The following C1D variants were observed in gnomAD, a reference collection of about 807,000 sequenced individuals.
C1D encodes the protein C1D nuclear receptor corepressor.
Under a neutral mutation model 17.5 loss-of-function variants are expected in C1D, and 10 were observed. That is an observed-to-expected ratio of 0.57 (90% CI 0.35 to 0.97). The LOEUF (loss-of-function observed/expected upper bound fraction) is 0.97, where lower values mean the gene tolerates loss of function less well. C1D is among the 50% of genes least tolerant of loss of function. C1D has a pLI of 0.01. For missense variants in C1D, 136 were observed against 160.1 expected (o/e 0.85, Z 0.81); for synonymous variants, 49 against 54.0 (o/e 0.91, Z 0.40).
rs77407360 is a variant in C1D at position 68,052,502 on chromosome 2, C to T, written c.-9-5183G>A. On this transcript the variant is annotated intron_variant, in intron 1 of 4. Transcript: ENST00000410067. ...TGAATTTTTTCATCAAATTTTCCTA[C>T]GAGAAAATATTTCCTTTCTTCAGAA... 5.4e-4 allele frequency among the ~76,000 whole-genome samples: 82 copies of T among 152,232 alleles called. 1 individual carries two copies. In the East Asian group the frequency reaches 9.6e-3, roughly 18 times the overall value.
Position 68,044,619 on chromosome 2 carries a change from A to G in C1D, c.261+1369T>C, listed in dbSNP as rs1322937599. Among the ~76,000 whole-genome samples, 4 of 152,170 alleles carry G rather than the reference A, an allele frequency of 2.6e-5. No homozygotes were observed. The East Asian group carries it at 5.8e-4, about 22-fold the overall frequency. On this transcript the variant is annotated intron_variant, in intron 4 of 4. Transcript: ENST00000410067. ...GCTACTCGAGAGGCTGAGGCAGGAG[A>G]ATGGTGTGAACCCGGGAGGTGGAGC...
intron 1 of C1D, chr2:68,052,921 T>A: frequency 8.6e-7 from 1 of 1,161,768 alleles, no homozygotes; most frequent in East Asian, 2.6e-5. Flanking sequence ...TAGCACTGAT[T>A]ATGTGCCAGG....
chr2:68,056,526 C>T (rs1671442510), intron 1 of C1D, among the ~76,000 whole-genome samples: 1 of 151,964 alleles, frequency 6.6e-6, no homozygotes, highest in Non-Finnish European at 1.5e-5. Context: ...TAAAAAAAGA[C>T]ATATGCAACA....
At chr2:68,057,234 C>T (rs1671465533) in intron 1 of C1D, among the ~76,000 whole-genome samples, 1 of 152,134 alleles carries the variant, frequency 6.6e-6, no homozygotes, top group Non-Finnish European at 1.5e-5. Flanking sequence ...CTCACTGCAA[C>T]CTCCCCTACT....
chr2:68,049,260 T>C (rs1047663514), intron 1 of C1D, among the ~76,000 whole-genome samples: 1 of 151,246 alleles, frequency 6.6e-6, no homozygotes, highest in East Asian at 1.9e-4. Context: ...CAAGAAACCT[T>C]ACAAACAAAA....
At chr2:68,056,480 TAAAC>T (rs1470974522) in intron 1 of C1D, among the ~76,000 whole-genome samples, 1 of 151,658 alleles carries the variant, frequency 6.6e-6, no homozygotes, top group Non-Finnish European at 1.5e-5. Flanking sequence ...AATAAACAAA[TAAAC>T]AAACACCCAA....
chr2:68,051,675 T>A (rs1354178097), intron 1 of C1D, among the ~76,000 whole-genome samples: 2 of 152,016 alleles, frequency 1.3e-5, no homozygotes, highest in African/African-American at 4.8e-5. Flanking sequence ...CATGCCTACC[T>A]CCCTTTGGGC....
intron 4 of C1D, among the ~76,000 whole-genome samples, chr2:68,043,760 A>G (rs1442070442): frequency 6.6e-6 from 1 of 152,240 alleles, no homozygotes; most frequent in East Asian, 1.9e-4. Flanking sequence ...CAGCAGAGTA[A>G]AAGACTGATC....
intron 1 of C1D, among the ~76,000 whole-genome samples, chr2:68,056,147 G>A (rs1035557940): frequency 4.6e-5 from 7 of 152,136 alleles, no homozygotes; most frequent in Non-Finnish European, 1.0e-4. Flanking sequence ...TTTTGAGACA[G>A]AGTCTTGCTG....
rs978275526 is a variant in C1D at position 68,041,511 on chromosome 2, A to G, written c.*1378T>C. ...TAGAAATTTGGAGACAAAGGCAAAAAAAGGAGTAAAATAACTATAAATGTT... is the reference window on the plus strand; with the variant it reads ...TAGAAATTTGGAGACAAAGGCAAAAGAAGGAGTAAAATAACTATAAATGTT... On this transcript the variant is annotated 3_prime_UTR_variant, in exon 5 of 5. Coordinates refer to ENST00000410067, the MANE Select transcript of C1D (RefSeq NM_173177.3). 6.6e-6 allele frequency: 1 copy of G among 152,032 alleles called. No homozygotes were observed. Among genetic ancestry groups the G allele is most frequent in the Non-Finnish European group, 1.5e-5 (1 of 67,858 alleles). 9.4% of individuals were successfully genotyped at this position (152,032 alleles called of 1,614,324 possible). A position where few individuals can be genotyped will look rare whatever the true frequency, so the allele number is the denominator to read the frequency against.
At chr2:68,043,132 T>C in intron 4 of C1D, 79 bp from the exon 5 acceptor site, 1 of 1,084,512 alleles carries the variant, frequency 9.2e-7, no homozygotes, top group Non-Finnish European at 1.3e-6. Flanking sequence ...TACACCTTGG[T>C]TAAATTCAAC....
intron 1 of C1D, among the ~76,000 whole-genome samples, chr2:68,055,846 T>G (rs1035893553): frequency 6.6e-6 from 1 of 152,196 alleles, no homozygotes; most frequent in Non-Finnish European, 1.5e-5. Context: ...ATTATTTCTA[T>G]AGTGAAATTA....
At chr2:68,046,559 T>G in intron 2 of C1D, 149 bp from the exon 3 acceptor site, 1 of 544,428 alleles carries the variant, frequency 1.8e-6, no homozygotes, top group South Asian at 2.9e-5. Flanking sequence ...AATAACCAAA[T>G]GATCTGAAAA....
Position 68,060,996 on chromosome 2 carries a change from T to C in C1D, c.-10+1962A>G, listed in dbSNP as rs190857471. ...GATTACAGTTTGAGCTTACAGATACTAGAAAGTCACCACATGGATCCAAAC... is the reference window on the plus strand; with the variant it reads ...GATTACAGTTTGAGCTTACAGATACCAGAAAGTCACCACATGGATCCAAAC... On this transcript the variant is annotated intron_variant, in intron 1 of 4. Coordinates refer to ENST00000410067, the MANE Select transcript of C1D (RefSeq NM_173177.3). Among the ~76,000 whole-genome samples the C allele has an allele frequency of 2.2e-3, 331 of 152,358 alleles. 3 individuals carry two copies. Among genetic ancestry groups the C allele is most frequent in the Non-Finnish European group, 3.8e-3 (261 of 68,036 alleles).
chr2:68,044,204 AT>A (rs1312744667), intron 4 of C1D, among the ~76,000 whole-genome samples: 1 of 152,112 alleles, frequency 6.6e-6, no homozygotes, highest in African/African-American at 2.4e-5. Context: ...TTACTTTATT[AT>A]TTGTCTCCCT....
intron 1 of C1D, among the ~76,000 whole-genome samples, chr2:68,060,890 T>G (rs1369430388): frequency 6.7e-6 from 1 of 150,066 alleles, no homozygotes; most frequent in Non-Finnish European, 1.5e-5. Context: ...TGTCATGTAT[T>G]AGTTAGTTAG....
At chr2:68,046,707 G>C (rs1395180799) in intron 2 of C1D, 5 of 334,166 alleles carry the variant, frequency 1.5e-5, no homozygotes, top group Non-Finnish European at 2.7e-5. Flanking sequence ...CGGGAGTTAC[G>C]ATCTGGGCTT....
intron 1 of C1D, among the ~76,000 whole-genome samples, chr2:68,055,896 G>T (rs533953762): frequency 6.6e-6 from 1 of 152,098 alleles, no homozygotes; most frequent in African/African-American, 2.4e-5. Flanking sequence ...ATACAACTCC[G>T]TTCATATATA....
At chr2:68,055,431 A>C (rs148379279) in intron 1 of C1D, among the ~76,000 whole-genome samples, 131 of 152,280 alleles carry the variant, frequency 8.6e-4, no homozygotes, top group African/African-American at 3.0e-3. Flanking sequence ...ACAGTACTCT[A>C]CAGGATAACT....
Sources: gnomAD v4.1 joint callset for allele counts (sites outside exome capture counted in the v4.1 genomes callset) on GRCh38, gnomAD v4.1.1 for gene constraint, MANE v1.5 for transcripts, NCBI Gene and HGNC (gene_info 2026-07-23, HGNC 2026-07-21) for gene names.